Variants in NELL2 observed in about 807,000 individuals in gnomAD.
The protein encoded by NELL2 is neural EGFL like 2, also known as protein kinase C-binding protein NELL2.
Under a neutral mutation model 109.6 loss-of-function variants are expected in NELL2, and 41 were observed. The ratio of observed to expected loss-of-function variants is 0.37; its 90% CI spans 0.29 to 0.49. NELL2 has a LOEUF of 0.49. NELL2 is among the 20% of genes least tolerant of loss of function. The probability of loss-of-function intolerance (pLI) is 0.98; values close to 1 mark genes in which losing one functional copy is unlikely to be tolerated. For synonymous variants in NELL2, 355 were observed against 344.7 expected, an observed-to-expected ratio of 1.03 and a Z score of -0.33; for missense variants, 900 against 1,008.3, an observed-to-expected ratio of 0.89 and a Z score of 1.45.
At chr12:44,746,701 C>T (rs534076592) in intron 9 of NELL2, among the ~76,000 whole-genome samples, 1 of 152,166 alleles carries the variant, frequency 6.6e-6, no homozygotes, top group Non-Finnish European at 1.5e-5. Flanking sequence ...TGAAAAAATG[C>T]TCATCATCAC....
chr12:44,788,146 G>A (rs906695856), intron 3 of NELL2, among the ~76,000 whole-genome samples: 1 of 152,136 alleles, frequency 6.6e-6, no homozygotes, highest in African/African-American at 2.4e-5. Context: ...TATCATTATG[G>A]CGATGGGAGG....
chr12:44,512,809 G>A (rs1003587753), intron 19 of NELL2, among the ~76,000 whole-genome samples: 3 of 152,056 alleles, frequency 2.0e-5, no homozygotes, highest in Admixed American at 2.0e-4. Context: ...AAGCTAGGAG[G>A]AGTATAGGGG....
At position 44,846,704 on chromosome 12, in the gene NELL2, A is replaced by AT. The variant is rs1292439654; in HGVS notation, c.184+28520dup. ...CAATTCAAAATAAATCCTAAAACAT[A>AT]TTTTTTCTAGTTTTTTCCCATGCCA... On this transcript the variant is annotated intron_variant, in intron 2 of 19. Coordinates refer to ENST00000429094, the MANE Select transcript of NELL2 (RefSeq NM_001145108.2). Among the ~76,000 whole-genome samples, 4 of 151,982 alleles carry AT rather than the reference A, an allele frequency of 2.6e-5. No homozygotes were observed. In the East Asian group the frequency reaches 7.7e-4, roughly 29 times the overall value.
intron 3 of NELL2, among the ~76,000 whole-genome samples, chr12:44,815,037 G>A (rs776307808): frequency 6.6e-6 from 1 of 152,128 alleles, no homozygotes; most frequent in Non-Finnish European, 1.5e-5. Flanking sequence ...CAGATCTTAG[G>A]TGACTTCCCC....
intron 9 of NELL2, among the ~76,000 whole-genome samples, chr12:44,757,222 C>T (rs1443667983): frequency 6.6e-6 from 1 of 152,164 alleles, no homozygotes; most frequent in Non-Finnish European, 1.5e-5. Flanking sequence ...TCCAATTCCA[C>T]AGTCATTTCC....
chr12:44,568,707 G>A (rs1222605982), intron 15 of NELL2, among the ~76,000 whole-genome samples: 1 of 151,798 alleles, frequency 6.6e-6, no homozygotes, highest in Admixed American at 6.6e-5. Flanking sequence ...TTGTGATTCT[G>A]AAATATAGTA....
At chr12:44,858,605 T>C (rs779239037) in intron 2 of NELL2, among the ~76,000 whole-genome samples, 1 of 152,202 alleles carries the variant, frequency 6.6e-6, no homozygotes, top group Non-Finnish European at 1.5e-5. Context: ...TCCAAGTCTC[T>C]ACAAATATGA....
intron 3 of NELL2, among the ~76,000 whole-genome samples, chr12:44,808,465 G>A (rs983641455): frequency 1.3e-5 from 2 of 151,952 alleles, no homozygotes; most frequent in African/African-American, 4.8e-5. Context: ...CAACAGAGAT[G>A]TAATTTTGTG....
At chr12:44,911,006 GA>G (rs1347744401) in intron 1 of NELL2, among the ~76,000 whole-genome samples, 5 of 151,916 alleles carry the variant, frequency 3.3e-5, no homozygotes, top group African/African-American at 1.2e-4. Context: ...CTAGATGGGG[GA>G]GGTAGGGAGG....
At chr12:44,773,333 C>T (rs879680304) in intron 9 of NELL2, among the ~76,000 whole-genome samples, 2 of 152,058 alleles carry the variant, frequency 1.3e-5, no homozygotes, top group South Asian at 2.1e-4. Context: ...AAAATTAGCC[C>T]GGCGTAGTGG....
At chr12:44,839,696 T>C (rs1944163791) in intron 2 of NELL2, among the ~76,000 whole-genome samples, 1 of 152,252 alleles carries the variant, frequency 6.6e-6, no homozygotes, top group Non-Finnish European at 1.5e-5. Context: ...GGGCTATCAT[T>C]CCTTCAAGTT....
intron 13 of NELL2, among the ~76,000 whole-genome samples, chr12:44,634,342 G>A (rs1234326408): frequency 6.7e-6 from 1 of 149,296 alleles, no homozygotes; most frequent in Non-Finnish European, 1.5e-5. Flanking sequence ...CCCATGACAG[G>A]TCCCAGTGTG....
chr12:44,525,990 C>T (rs1941752441), intron 16 of NELL2, among the ~76,000 whole-genome samples: 1 of 152,138 alleles, frequency 6.6e-6, no homozygotes, highest in South Asian at 2.1e-4. Context: ...TCAAGATGTG[C>T]TGGAGAAACA....
intron 15 of NELL2, among the ~76,000 whole-genome samples, chr12:44,599,894 C>A (rs1358916361): frequency 6.6e-6 from 1 of 150,730 alleles, no homozygotes; most frequent in Non-Finnish European, 1.5e-5. Flanking sequence ...TGAACAGAAA[C>A]CTCAGAGGCC....
chr12:44,732,832 A>G (rs1373106758), intron 9 of NELL2, among the ~76,000 whole-genome samples: 3 of 151,990 alleles, frequency 2.0e-5, no homozygotes, highest in Non-Finnish European at 4.4e-5. Context: ...ATACATAATG[A>G]ATTTCCACAG....
chr12:44,535,706 T>C (rs1045405808), intron 15 of NELL2, among the ~76,000 whole-genome samples: 1 of 151,934 alleles, frequency 6.6e-6, no homozygotes, highest in Non-Finnish European at 1.5e-5. Flanking sequence ...CTGAGACTTA[T>C]AGTAGAGTAA....
chr12:44,553,131 A>AG (rs1194877426), intron 15 of NELL2, among the ~76,000 whole-genome samples: 2 of 45,080 alleles, frequency 4.4e-5, no homozygotes, highest in African/African-American at 1.8e-4. Context: ...GGGTCGGGGG[A>AG]GGGGGGAGGG....
At chr12:44,799,493 C>T (rs114107046) in intron 3 of NELL2, among the ~76,000 whole-genome samples, 2,191 of 111,472 alleles carry the variant, frequency 0.02, 51 homozygotes, top group African/African-American at 0.064. Flanking sequence ...TTGGTGTTCA[C>T]TGAAGTATGG....
chr12:44,666,672 GCTAA>G (rs1246374378), intron 12 of NELL2, among the ~76,000 whole-genome samples: 1 of 152,158 alleles, frequency 6.6e-6, no homozygotes, highest in Non-Finnish European at 1.5e-5. Context: ...ATTCATCTGA[GCTAA>G]CTATTTATTT....
Sources: allele counts gnomAD v4.1 joint callset (sites outside exome capture counted in the v4.1 genomes callset), GRCh38; gene constraint gnomAD v4.1.1; transcripts MANE v1.5; gene names NCBI Gene and HGNC (gene_info 2026-07-23, HGNC 2026-07-21).